WDR4: variants seen among roughly 807,000 people sequenced by gnomAD.
WDR4 encodes the protein tRNA (guanine-N(7)-)-methyltransferase non-catalytic subunit WDR4.
Under a neutral mutation model 48.6 loss-of-function variants are expected in WDR4, and 47 were observed. The ratio of observed to expected loss-of-function variants is 0.97; its 90% CI spans 0.77 to 1.23. WDR4 has a LOEUF of 1.23. Ranked by LOEUF, WDR4 falls within the 50% of genes most tolerant of loss-of-function variation. WDR4 has a pLI of 0.00. For synonymous variants in WDR4, 268 were observed against 230.0 expected (o/e 1.17, Z -1.49); for missense variants, 606 against 551.6 (o/e 1.10, Z -0.99).
chr21:42,849,930 T>TCTGAG lies in WDR4; in HGVS notation c.*114_*118dup, dbSNP rs1443848286. The TCTGAG allele has an allele frequency of 7.8e-7, 1 of 1,277,246 alleles. No individual in the cohort carries two copies. The highest frequency in any genetic ancestry group is 1.5e-5 in the African/African-American group (1 of 66,732). The allele number at this position is 1,277,246 out of a possible 1,614,324, so 79.1% of individuals were successfully genotyped here. ...TAGAGCCCAGGGGACAGCCCCATCC[T>TCTGAG]CTGAGCTGGTCACAACTGATGTCAC... On this transcript the variant is annotated 3_prime_UTR_variant, in exon 11 of 11. Transcript: ENST00000398208.
Position 42,855,737 on chromosome 21 carries a change from A to G in WDR4, c.671T>C (p.Leu224Pro). The G allele has an allele frequency of 1.3e-6, 2 of 1,554,396 alleles. No individual in the cohort carries two copies. Among genetic ancestry groups the G allele is most frequent in the Non-Finnish European group, 1.7e-6 (2 of 1,148,652 alleles). ...CAGACTGGCCAGGTGACAGCAGTGC[A>G]GCTGGCGGCCGCTCCTGTACTCCCA... ...RLWEYRSGRQ[L>P]HCCHLASLQE... The change falls in exon 7 of 11, where the codon CTG becomes CCG. Residue 224 changes from leucine to proline, a missense_variant. Leu to Pro is a moderately conservative substitution (Grantham distance 98). Transcript: ENST00000398208.
chr21:42,881,025 C>G (rs891225178), upstream of WDR4, among the ~76,000 whole-genome samples: 1 of 151,870 alleles, frequency 6.6e-6, no homozygotes, highest in African/African-American at 2.4e-5. Context: ...CCTGCCTCAG[C>G]CTCCTGAGTA....
chr21:42,863,490 G>A lies in WDR4; in HGVS notation c.403C>T (p.His135Tyr), dbSNP rs1343294300. The A allele has an allele frequency of 1.2e-6, 2 of 1,613,872 alleles. No individual in the cohort carries two copies. Among genetic ancestry groups the A allele is most frequent in the African/African-American group, 1.3e-5 (1 of 74,930 alleles). ...CCCAGCTCTAGACGGCCACACCCGTGTGGCTCCAGCACCGAAAAGGAGTAG... is the reference window on the plus strand; with the variant it reads ...CCCAGCTCTAGACGGCCACACCCGTATGGCTCCAGCACCGAAAAGGAGTAG... ...DVYSFSVLEP[H>Y]GCGRLELGHL... Residue 135 changes from histidine to tyrosine, a missense_variant, in exon 4 of 11, where the codon CAC (histidine) becomes TAC (tyrosine). Coordinates refer to ENST00000398208, the MANE Select transcript of WDR4 (RefSeq NM_018669.6).
chr21:42,878,023 C>T (rs1277109769), intron 1 of WDR4, among the ~76,000 whole-genome samples: 1 of 127,158 alleles, frequency 7.9e-6, no homozygotes, highest in Non-Finnish European at 1.6e-5. Context: ...CCAGCCTGGG[C>T]GACAAAGCGA....
intron 10 of WDR4, among the ~76,000 whole-genome samples, chr21:42,851,190 G>A (rs1354141308): frequency 6.6e-6 from 1 of 152,220 alleles, no homozygotes; most frequent in African/African-American, 2.4e-5. Flanking sequence ...TAGAGCACGG[G>A]GGCCATGAGC....
intron 1 of WDR4, chr21:42,879,094 C>T (rs1218034285): frequency 3.4e-6 from 4 of 1,178,244 alleles, no homozygotes; most frequent in Non-Finnish European, 3.2e-6. Context: ...TACCCGGTCC[C>T]CGCCGGCGCC....
chr21:42,859,597 G>GCCCCCCCCCCC, intron 6 of WDR4, 65 bp downstream of exon 6: 4 of 708,180 alleles, frequency 5.6e-6, no homozygotes, highest in African/African-American at 1.8e-5. Context: ...TCCAGGAGGC[G>GCCCCCCCCCCC]CCCACCCCAC....
intron 3 of WDR4, among the ~76,000 whole-genome samples, chr21:42,864,113 A>T (rs922089153): frequency 3.0e-5 from 3 of 99,932 alleles, no homozygotes; most frequent in African/African-American, 1.1e-4. Context: ...GTCTCAAAAA[A>T]AAAAAAAAAA....
Position 42,873,543 on chromosome 21 carries a change from T to A in WDR4, c.296+8A>T, listed in dbSNP as rs773644197. 31 of 1,613,882 alleles carry A rather than the reference T, an allele frequency of 1.9e-5. No individual in the cohort carries two copies. The East Asian group carries it at 6.0e-4, about 31-fold the overall frequency. On this transcript the variant is annotated splice_region_variant and intron_variant, in intron 3 of 10. Coordinates refer to ENST00000398208, the MANE Select transcript of WDR4 (RefSeq NM_018669.6). Reference sequence around the variant, plus strand: ...ACATCTTAAGAATCCAGCGTTAGCATCTCATACCTGACACTCAGACATTGC... The same window carrying A: ...ACATCTTAAGAATCCAGCGTTAGCAACTCATACCTGACACTCAGACATTGC...
intron 2 of WDR4, among the ~76,000 whole-genome samples, chr21:42,876,218 C>CTTTTTTTTTTTTTTT (rs373181618): frequency 0.015 from 1,587 of 105,304 alleles, 126 homozygotes; most frequent in African/African-American, 0.036. Context: ...ACACTGTACT[C>CTTTTTTTTTTTTTTT]TTTTTTTTTT....
intron 6 of WDR4, among the ~76,000 whole-genome samples, chr21:42,857,276 G>A (rs544274835): frequency 1.3e-5 from 2 of 152,206 alleles, no homozygotes; most frequent in South Asian, 4.2e-4. Flanking sequence ...CAGAGCCCCA[G>A]GGGACAGACC....
Position 42,843,676 on chromosome 21 carries a change from C to T in WDR4, c.*9-395G>A, listed in dbSNP as rs112218271. 5.8e-3 allele frequency among the ~76,000 whole-genome samples: 883 copies of T among 151,986 alleles called. 6 individuals are homozygous for T. Among genetic ancestry groups the T allele is most frequent in the African/African-American group, 0.02 (845 of 41,468 alleles). On this transcript the variant is annotated intron_variant, in intron 11 of 11. Coordinates refer to the WDR4 transcript ENST00000330317. ...GCAACCTCCGCCTCCCAGGTTCAAGCGATTCTCCTGCTTTAGCCTCTCAAA... is the reference window on the plus strand; with the variant it reads ...GCAACCTCCGCCTCCCAGGTTCAAGTGATTCTCCTGCTTTAGCCTCTCAAA...
the WDR4 span, among the ~76,000 whole-genome samples, chr21:42,888,699 ATTT>A: frequency 1.4e-5 from 2 of 140,434 alleles, no homozygotes; most frequent in Non-Finnish European, 1.6e-5. Context: ...AAGGTTTATA[ATTT>A]TTTTTTTTTT....
At chr21:42,885,956 A>ATTTTTTTTTT in the WDR4 span, among the ~76,000 whole-genome samples, 1 of 122,828 alleles carries the variant, frequency 8.1e-6, no homozygotes, top group Non-Finnish European at 1.7e-5. Flanking sequence ...CTCAGCATAG[A>ATTTTTTTTTT]TTTTTTTTTT....
intron 1 of WDR4, among the ~76,000 whole-genome samples, chr21:42,877,138 ATTTTTTT>A (rs35841350): frequency 6.2e-5 from 6 of 97,380 alleles, no homozygotes; most frequent in African/African-American, 1.3e-4. Context: ...CCTGGCCCTA[ATTTTTTT>A]TTTTTTTTTT....
downstream of WDR4, among the ~76,000 whole-genome samples, chr21:42,846,662 G>A (rs1484068088): frequency 1.3e-5 from 2 of 152,054 alleles, no homozygotes; most frequent in East Asian, 1.9e-4. Flanking sequence ...GCTGTGAGCT[G>A]AGATCACACC....
At chr21:42,873,402 G>T in intron 3 of WDR4, 149 bp downstream of exon 3, 1 of 1,119,930 alleles carries the variant, frequency 8.9e-7, no homozygotes, top group Non-Finnish European at 1.3e-6. Flanking sequence ...ACACACATGT[G>T]GCACTGAAAG....
At chr21:42,860,773 G>A (rs1261867815) in intron 5 of WDR4, among the ~76,000 whole-genome samples, 1 of 152,202 alleles carries the variant, frequency 6.6e-6, no homozygotes, top group Non-Finnish European at 1.5e-5. Context: ...AACATAATTC[G>A]TCCAATCACT....
Position 42,862,142 on chromosome 21 carries a change from C to G in WDR4, c.566+140G>C, listed in dbSNP as rs962183900. 1.0e-5 allele frequency: 7 copies of G among 699,030 alleles called. No homozygotes were observed. In the African/African-American group the frequency reaches 1.3e-4, roughly 13 times the overall value. 43.3% of individuals were successfully genotyped at this position (699,030 alleles called of 1,614,324 possible). ...TCTGCAGGCAGCACCACGGCGCCTG[C>G]AGTGACCAAACACCAAGCACGGGGG... On this transcript the variant is annotated intron_variant, in intron 5 of 10. Transcript: ENST00000398208. This position sits in a 1 kb window ranked among gnomAD's most constrained non-coding sequence, Gnocchi z 4.3.
Sources: gnomAD v4.1 joint callset for allele counts (sites outside exome capture counted in the v4.1 genomes callset) on GRCh38, gnomAD v4.1.1 for gene constraint, Gnocchi (gnomAD v3.1) non-coding constraint, MANE v1.5 for transcripts, NCBI Gene and HGNC (gene_info 2026-07-23, HGNC 2026-07-21) for gene names.